The following XKR9 variants were observed in gnomAD, a reference collection of about 807,000 sequenced individuals.
The protein encoded by XKR9 is XK related 9, also known as XK-related protein 9.
Under a neutral mutation model 32.0 loss-of-function variants are expected in XKR9, and 32 were observed. The ratio of observed to expected loss-of-function variants is 1.00; its 90% CI spans 0.76 to 1.34. XKR9 has a LOEUF of 1.34. Ranked by LOEUF, XKR9 falls within the 40% of genes most tolerant of loss-of-function variation. The pLI is 0.00. For missense variants in XKR9, 546 were observed against 429.7 expected (o/e 1.27, Z -2.39); for synonymous variants, 168 against 143.4 (o/e 1.17, Z -1.22).
the XKR9 span, among the ~76,000 whole-genome samples, chr8:71,047,594 G>C: frequency 2.0e-5 from 3 of 152,154 alleles, no homozygotes; most frequent in Non-Finnish European, 2.9e-5. Flanking sequence ...TCATCCCTTA[G>C]GTAATATGCA....
At chr8:70,892,802 A>G in the XKR9 span, among the ~76,000 whole-genome samples, 1 of 152,138 alleles carries the variant, frequency 6.6e-6, no homozygotes, top group African/African-American at 2.4e-5. Context: ...TTTGACTATA[A>G]TGTAATTCAA....
chr8:70,707,646 C>T (rs1006234722), intron 4 of XKR9, among the ~76,000 whole-genome samples: 13 of 151,982 alleles, frequency 8.6e-5, no homozygotes, highest in African/African-American at 2.4e-4. Flanking sequence ...AATGCTGCAA[C>T]GAGTAATCTT....
chr8:70,824,494 T>C, the XKR9 span, among the ~76,000 whole-genome samples: 129 of 152,212 alleles, frequency 8.5e-4, 1 homozygote, highest in Non-Finnish European at 1.5e-3. Context: ...AAATGCCTTT[T>C]ACTACTTCAG....
At chr8:70,812,781 T>G in the XKR9 span, among the ~76,000 whole-genome samples, 1 of 152,004 alleles carries the variant, frequency 6.6e-6, no homozygotes, top group African/African-American at 2.4e-5. Flanking sequence ...CACTGCTCAG[T>G]GAAATAAAAG....
chr8:70,925,856 A>T, the XKR9 span, among the ~76,000 whole-genome samples: 2 of 152,208 alleles, frequency 1.3e-5, no homozygotes, highest in African/African-American at 2.4e-5. Flanking sequence ...AGAAACAAAT[A>T]TTTATAACAA....
chr8:71,049,108 A>C, the XKR9 span, among the ~76,000 whole-genome samples: 157 of 152,310 alleles, frequency 1.0e-3, 3 homozygotes, highest in East Asian at 0.02. Context: ...GTGGTTGACT[A>C]TATATTTTTG....
intron 2 of XKR9, among the ~76,000 whole-genome samples, chr8:70,741,704 C>T (rs1164285981): frequency 1.3e-5 from 2 of 152,134 alleles, no homozygotes; most frequent in Non-Finnish European, 2.9e-5. Flanking sequence ...GTGAATAGTG[C>T]AACAGTGAAC....
At chr8:70,852,502 A>G in the XKR9 span, among the ~76,000 whole-genome samples, 1 of 152,224 alleles carries the variant, frequency 6.6e-6, no homozygotes, top group African/African-American at 2.4e-5. Context: ...AGAATTATAA[A>G]TCATTCTACT....
the XKR9 span, among the ~76,000 whole-genome samples, chr8:70,927,035 G>A: frequency 6.6e-6 from 1 of 151,396 alleles, no homozygotes; most frequent in East Asian, 1.9e-4. Context: ...TGAGGTAGGT[G>A]TATTTATGTA....
the XKR9 span, among the ~76,000 whole-genome samples, chr8:70,951,865 A>AC: frequency 7.7e-6 from 1 of 129,864 alleles, no homozygotes; most frequent in Admixed American, 7.8e-5. Context: ...CCATAGCATC[A>AC]TTGGGGGGGG....
At chr8:70,856,129 A>G in the XKR9 span, among the ~76,000 whole-genome samples, 974 of 152,316 alleles carry the variant, frequency 6.4e-3, 19 homozygotes, top group African/African-American at 0.022. Context: ...ACATAACAAT[A>G]TAAACCTTAA....
chr8:70,826,011 A>G, the XKR9 span, among the ~76,000 whole-genome samples: 1 of 152,136 alleles, frequency 6.6e-6, no homozygotes, highest in Non-Finnish European at 1.5e-5. Flanking sequence ...ATAAGGGTAT[A>G]TGGAATAAAC....
the XKR9 span, among the ~76,000 whole-genome samples, chr8:71,059,596 C>T: frequency 3.3e-5 from 5 of 152,312 alleles, no homozygotes; most frequent in Non-Finnish European, 5.9e-5. Flanking sequence ...TTTCCAGAAA[C>T]TTGAAAGGAG....
the XKR9 span, among the ~76,000 whole-genome samples, chr8:70,980,015 G>C: frequency 6.6e-6 from 1 of 152,346 alleles, no homozygotes; most frequent in South Asian, 2.1e-4. Flanking sequence ...TTCGATCTGA[G>C]ACTGCTGCGC....
At chr8:70,876,209 A>G in the XKR9 span, among the ~76,000 whole-genome samples, 12,812 of 148,482 alleles carry the variant, frequency 0.086, 1,141 homozygotes, top group East Asian at 0.28. Context: ...CTTTATCAGA[A>G]GATTCGTTCT....
At chr8:70,861,963 T>C in the XKR9 span, among the ~76,000 whole-genome samples, 1 of 152,216 alleles carries the variant, frequency 6.6e-6, no homozygotes, top group African/African-American at 2.4e-5. Flanking sequence ...GTTTAACTTA[T>C]CTATTTTACT....
the XKR9 span, among the ~76,000 whole-genome samples, chr8:71,033,965 G>A: frequency 2.0e-5 from 3 of 152,276 alleles, no homozygotes; most frequent in Non-Finnish European, 4.4e-5. Context: ...TACTTCACAT[G>A]TTCATACACA....
chr8:70,932,810 C>G, the XKR9 span, among the ~76,000 whole-genome samples: 1 of 152,088 alleles, frequency 6.6e-6, no homozygotes, highest in African/African-American at 2.4e-5. Context: ...CTCATTTAAC[C>G]TTAATTCCCT....
chr8:70,918,855 G>A, the XKR9 span, among the ~76,000 whole-genome samples: 1 of 125,770 alleles, frequency 8.0e-6, no homozygotes, highest in Non-Finnish European at 1.6e-5. Context: ...TCGGCTCACT[G>A]CAAGCTCCAC....
Sources: gnomAD v4.1 joint callset for allele counts (sites outside exome capture counted in the v4.1 genomes callset) on GRCh38, gnomAD v4.1.1 for gene constraint, MANE v1.5 for transcripts, NCBI Gene and HGNC (gene_info 2026-07-23, HGNC 2026-07-21) for gene names.